Variants in GSE1 observed in about 807,000 individuals in gnomAD.
GSE1 encodes Gse1 coiled-coil protein.
Under a neutral mutation model 112.6 loss-of-function variants are expected in GSE1, and 32 were observed. The ratio of observed to expected loss-of-function variants is 0.28; its 90% confidence interval spans 0.21 to 0.38. GSE1 has a LOEUF of 0.38. Among genes scored for constraint, GSE1 ranks in the 10% least tolerant of loss-of-function variants. GSE1 has a pLI of 1.00. For synonymous variants in GSE1, 1,115 were observed against 735.6 expected (o/e 1.52, Z -8.35); for missense variants, 2,348 against 1,699.2 (o/e 1.38, Z -6.71).
At chr16:85,397,557 G>T (rs1051258140) in intron 2 of GSE1, among the ~76,000 whole-genome samples, 4 of 152,220 alleles carry the variant, frequency 2.6e-5, no homozygotes, top group African/African-American at 9.6e-5. Context: ...AGCTTCTGGA[G>T]CTGTCATGTT....
intron 2 of GSE1, among the ~76,000 whole-genome samples, chr16:85,501,453 T>C (rs1433451389): frequency 6.7e-6 from 1 of 149,830 alleles, no homozygotes; most frequent in East Asian, 2.0e-4. Flanking sequence ...AGTGTAGTGA[T>C]GCAAATCATA....
chr16:85,650,539 C>T (rs975887216), intron 3 of GSE1, among the ~76,000 whole-genome samples: 1 of 152,240 alleles, frequency 6.6e-6, no homozygotes, highest in African/African-American at 2.4e-5. Context: ...CCGGCGACTC[C>T]TCCGCTCTGA....
chr16:85,294,334 C>G (rs1021705592), intron 1 of GSE1, among the ~76,000 whole-genome samples: 10 of 152,206 alleles, frequency 6.6e-5, no homozygotes, highest in African/African-American at 2.4e-4. Flanking sequence ...AACCTGTACC[C>G]TCTGGAGTCT....
intron 1 of GSE1, among the ~76,000 whole-genome samples, chr16:85,297,578 C>T (rs2045402970): frequency 6.6e-6 from 1 of 152,172 alleles, no homozygotes. Flanking sequence ...TGGCTCACTG[C>T]AGCCTCCACC....
At chr16:85,363,989 C>T (rs1290689265) in intron 2 of GSE1, among the ~76,000 whole-genome samples, 1 of 152,234 alleles carries the variant, frequency 6.6e-6, no homozygotes, top group African/African-American at 2.4e-5. Context: ...TGTGACAATA[C>T]CACAAACTTC....
chr16:85,396,733 C>G (rs2047975184), intron 2 of GSE1, among the ~76,000 whole-genome samples: 1 of 152,248 alleles, frequency 6.6e-6, no homozygotes, highest in Non-Finnish European at 1.5e-5. Context: ...CCACAGGCCC[C>G]CGTGGGGACT....
chr16:85,550,310 C>T (rs535292659), intron 2 of GSE1, among the ~76,000 whole-genome samples: 2 of 152,154 alleles, frequency 1.3e-5, no homozygotes, highest in East Asian at 1.9e-4. Context: ...GCAAGCTGCT[C>T]GACCTCTCTG....
intron 13 of GSE1, among the ~76,000 whole-genome samples, chr16:85,666,925 C>G (rs747054776): frequency 3.9e-5 from 6 of 152,236 alleles, no homozygotes; most frequent in Non-Finnish European, 5.9e-5. Flanking sequence ...TTGAATTTGC[C>G]AAGCACCAGG....
At chr16:85,170,057 A>G (rs1597705702) in exon 1 of GSE1, 1 of 984,718 alleles carries the variant, frequency 1.0e-6, no homozygotes, top group Non-Finnish European at 1.2e-6. Context: ...GAGCTGTCGG[A>G]CACCGACCCC....
chr16:85,548,501 G>T (rs2044784647), intron 2 of GSE1, among the ~76,000 whole-genome samples: 1 of 152,198 alleles, frequency 6.6e-6, no homozygotes, highest in Admixed American at 6.5e-5. Flanking sequence ...TGCAGTGTTT[G>T]CCTTTCTATG....
intron 1 of GSE1, among the ~76,000 whole-genome samples, chr16:85,271,359 G>C (rs1325889000): frequency 6.6e-6 from 1 of 152,108 alleles, no homozygotes; most frequent in African/African-American, 2.4e-5. Flanking sequence ...CACATGAATG[G>C]CTCATCTTCC....
intron 2 of GSE1, among the ~76,000 whole-genome samples, chr16:85,377,651 C>A (rs1339914485): frequency 6.6e-6 from 1 of 152,240 alleles, no homozygotes; most frequent in Non-Finnish European, 1.5e-5. Flanking sequence ...GCCACTGCTT[C>A]CTGCTTTCCT....
At chr16:85,278,320 C>T (rs908258921) in intron 1 of GSE1, among the ~76,000 whole-genome samples, 17 of 152,234 alleles carry the variant, frequency 1.1e-4, no homozygotes, top group Non-Finnish European at 1.3e-4. Context: ...GGAGGTCCCT[C>T]TCCACACATG....
At chr16:85,607,435 T>C (rs1275336721), upstream of GSE1, among the ~76,000 whole-genome samples, 2 of 152,202 alleles carry the variant, frequency 1.3e-5, no homozygotes, top group East Asian at 1.9e-4. Flanking sequence ...AGCGAGGCAA[T>C]TAGAATTGAA....
Position 85,313,382 on chromosome 16 carries a change from C to T in GSE1, c.2284-44081C>T, listed in dbSNP as rs546098079. 8.5e-5 allele frequency among the ~76,000 whole-genome samples: 13 copies of T among 152,274 alleles called. No homozygotes were observed. The East Asian group carries it at 1.7e-3, about 20-fold the overall frequency. On this transcript the variant is annotated intron_variant, in intron 1 of 2. Coordinates refer to the GSE1 transcript ENST00000637419. ...TGTTTGGGGAGGGCTGCCCCTGCCCCGAGACCACCCTGGTGGAAGTCTCGG... is the reference window on the plus strand; with the variant it reads ...TGTTTGGGGAGGGCTGCCCCTGCCCTGAGACCACCCTGGTGGAAGTCTCGG...
chr16:85,202,303 C>G (rs1174554095), intron 1 of GSE1, among the ~76,000 whole-genome samples: 1 of 152,250 alleles, frequency 6.6e-6, no homozygotes. Flanking sequence ...TCTCTGGGGA[C>G]TTCCCTACAT....
intron 2 of GSE1, among the ~76,000 whole-genome samples, chr16:85,512,262 T>C (rs944221750): frequency 6.6e-6 from 1 of 152,128 alleles, no homozygotes; most frequent in African/African-American, 2.4e-5. Context: ...TCACCGCAGC[T>C]GTGACCCAGA....
chr16:85,393,260 C>A (rs778138002), intron 2 of GSE1, among the ~76,000 whole-genome samples: 1 of 152,226 alleles, frequency 6.6e-6, no homozygotes, highest in Non-Finnish European at 1.5e-5. Flanking sequence ...CATAGCAAGA[C>A]CCTGTCTCAA....
upstream of GSE1, among the ~76,000 whole-genome samples, chr16:85,552,469 C>T (rs550199282): frequency 1.6e-5 from 2 of 127,426 alleles, 1 homozygote; most frequent in African/African-American, 5.3e-5. Context: ...GTAGCTGGGA[C>T]TACAGGCGCC....
Sources: gnomAD v4.1 joint callset for allele counts (sites outside exome capture counted in the v4.1 genomes callset) on GRCh38, gnomAD v4.1.1 for gene constraint, MANE v1.5 for transcripts, NCBI Gene and HGNC (gene_info 2026-07-23, HGNC 2026-07-21) for gene names.